The following NCKAP1 variants were observed in gnomAD, a reference collection of about 807,000 sequenced individuals.
NCKAP1 encodes nck-associated protein 1.
A neutral mutation model predicts 151.2 loss-of-function variants in NCKAP1; 21 were observed. The ratio of observed to expected loss-of-function variants is 0.14; its 90% confidence interval spans 0.10 to 0.20. The LOEUF (loss-of-function observed/expected upper bound fraction) is 0.20, where lower values mean the gene tolerates loss of function less well. NCKAP1 is among the 10% of genes least tolerant of loss of function. The pLI is 1.00. For synonymous variants in NCKAP1, 484 were observed against 451.8 expected, an observed-to-expected ratio of 1.07 and a Z score of -0.90; for missense variants, 933 against 1,352.1, an observed-to-expected ratio of 0.69 and a Z score of 4.86.
chr2:182,974,264 A>C (rs1188010188), intron 15 of NCKAP1, among the ~76,000 whole-genome samples: 3 of 151,260 alleles, frequency 2.0e-5, no homozygotes, highest in Non-Finnish European at 1.5e-5. Context: ...GTCACTAAAA[A>C]AAAAAAAAAA....
intron 29 of NCKAP1, among the ~76,000 whole-genome samples, chr2:182,927,838 T>C (rs1696679669): frequency 1.3e-5 from 2 of 151,804 alleles, no homozygotes; most frequent in Admixed American, 6.6e-5. Flanking sequence ...AGCTCTAGAG[T>C]TGGGAAAGAG....
At chr2:183,016,665 G>T (rs1698694151) in intron 2 of NCKAP1, among the ~76,000 whole-genome samples, 1 of 152,146 alleles carries the variant, frequency 6.6e-6, no homozygotes, top group East Asian at 1.9e-4. Context: ...ACTCTTATTT[G>T]TTGGCCTACT....
At chr2:182,981,199 TG>T in intron 13 of NCKAP1, 44 bp downstream of exon 13, 1 of 1,582,150 alleles carries the variant, frequency 6.3e-7, no homozygotes, top group Non-Finnish European at 8.6e-7. Context: ...CTATCAAAGG[TG>T]GGAAGGAAGG....
intron 22 of NCKAP1, 35 bp downstream of exon 22, chr2:182,952,758 C>A: frequency 6.5e-7 from 1 of 1,532,732 alleles, no homozygotes; most frequent in Non-Finnish European, 8.8e-7. Flanking sequence ...ATTAAGTGTT[C>A]TTCATTCTCT....
At position 182,918,501 on chromosome 2, in the gene NCKAP1, A is replaced by G. The variant is rs1575006060; in HGVS notation, c.*7201T>C. On this transcript the variant is annotated 3_prime_UTR_variant, in exon 31 of 31. Coordinates refer to ENST00000361354, the MANE Select transcript of NCKAP1 (RefSeq NM_013436.5). Reference sequence around the variant, plus strand: ...ATATACACACCACGGAATACTGTTCAGCCATAAAAAAAGAAACAATGTCTT... The same window carrying G: ...ATATACACACCACGGAATACTGTTCGGCCATAAAAAAAGAAACAATGTCTT... 1.3e-5 allele frequency: 2 copies of G among 152,356 alleles called. No homozygotes were observed. The highest frequency in any genetic ancestry group is 3.9e-4 in the East Asian group (2 of 5,186). The allele number at this position is 152,356 out of a possible 1,614,324, so 9.4% of individuals were successfully genotyped here.
intron 1 of NCKAP1, among the ~76,000 whole-genome samples, chr2:183,029,146 A>C (rs1442838488): frequency 6.6e-6 from 1 of 152,088 alleles, no homozygotes; most frequent in Non-Finnish European, 1.5e-5. Flanking sequence ...ACTATAGGTC[A>C]GTAGTCAATT....
In NCKAP1 at chr2:183,003,020, C is replaced by T; in HGVS notation, c.323G>A (p.Cys108Tyr). 1 of 1,607,814 alleles carries T rather than the reference C, an allele frequency of 6.2e-7. No homozygotes were observed. Among genetic ancestry groups the T allele is most frequent in the Non-Finnish European group, 8.5e-7 (1 of 1,175,828 alleles). The part of the protein sequence containing the change: ...VDVMEFKDHV[C>Y]ELLNTIDVCQ... ...AACGTCAATAGTATTCAGCAATTCACAAACATGGTCCTGAAAAGAAATACT... is the reference window on the plus strand; with the variant it reads ...AACGTCAATAGTATTCAGCAATTCATAAACATGGTCCTGAAAAGAAATACT... The change falls in exon 4 of 31, where the codon TGT becomes TAT. Residue 108 changes from cysteine to tyrosine, a missense_variant. Around this residue, in one of 2 missense-constraint regions of NCKAP1, gnomAD observed 607 missense variants for 795.0 expected, o/e 0.76. Coordinates refer to ENST00000361354, the MANE Select transcript of NCKAP1 (RefSeq NM_013436.5).
chr2:182,925,952 TA>T (rs1696635503), intron 30 of NCKAP1, 134 bp from the exon 31 acceptor site: 4 of 427,464 alleles, frequency 9.4e-6, no homozygotes. Flanking sequence ...TTATTAGCAA[TA>T]GACACATATT....
At chr2:182,988,732 T>C (rs2105861390) in intron 9 of NCKAP1, among the ~76,000 whole-genome samples, 1 of 152,308 alleles carries the variant, frequency 6.6e-6, no homozygotes, top group East Asian at 1.9e-4. Context: ...ATATGGTACT[T>C]TTGCATCTAA....
rs952332252 is a variant in NCKAP1 at position 182,914,079 on chromosome 2, A to G, written c.*11623T>C. On this transcript the variant is annotated 3_prime_UTR_variant, in exon 31 of 31. Transcript: ENST00000361354. ...AGCCAGGGAGAAGTCACATATTGGT[A>G]TCAGAGTGTGCAGTCACAGAAGGAA... The G allele has an allele frequency of 1.1e-4, 16 of 152,238 alleles. No homozygotes were observed. Among genetic ancestry groups the G allele is most frequent in the African/African-American group, 3.9e-4 (16 of 41,462 alleles). 9.4% of individuals were successfully genotyped at this position (152,238 alleles called of 1,614,324 possible).
chr2:182,993,627 G>C (rs1698211363), intron 8 of NCKAP1, among the ~76,000 whole-genome samples: 1 of 152,042 alleles, frequency 6.6e-6, no homozygotes, highest in Non-Finnish European at 1.5e-5. Flanking sequence ...GGCAGGAACA[G>C]AAAACCAAAT....
At chr2:182,998,641 T>C (rs1698318153) in intron 6 of NCKAP1, among the ~76,000 whole-genome samples, 1 of 151,292 alleles carries the variant, frequency 6.6e-6, no homozygotes, top group African/African-American at 2.4e-5. Context: ...ACAAGCCTGG[T>C]CAACATGATG....
At chr2:182,971,490 AAACT>A (rs1410277511) in intron 15 of NCKAP1, among the ~76,000 whole-genome samples, 1 of 152,112 alleles carries the variant, frequency 6.6e-6, no homozygotes, top group Non-Finnish European at 1.5e-5. Flanking sequence ...CAGATTCAAT[AAACT>A]ATCTATCTAA....
chr2:183,028,610 T>A (rs973902817), intron 1 of NCKAP1, among the ~76,000 whole-genome samples: 3 of 152,160 alleles, frequency 2.0e-5, no homozygotes, highest in Non-Finnish European at 4.4e-5. Context: ...CTCAGTTACC[T>A]AACCCATAAA....
At chr2:182,979,175 A>G (rs1274567841) in intron 13 of NCKAP1, among the ~76,000 whole-genome samples, 2 of 152,166 alleles carry the variant, frequency 1.3e-5, no homozygotes, top group East Asian at 1.9e-4. Flanking sequence ...TATATGAAAA[A>G]GTATTTTTAA....
chr2:183,006,602 A>G (rs1393455467), intron 2 of NCKAP1, among the ~76,000 whole-genome samples: 1 of 152,196 alleles, frequency 6.6e-6, no homozygotes, highest in Non-Finnish European at 1.5e-5. Context: ...GAGGTCAACT[A>G]CAACAATGAA....
chr2:182,982,335 T>C (rs1418336146), intron 12 of NCKAP1, among the ~76,000 whole-genome samples: 2 of 152,158 alleles, frequency 1.3e-5, no homozygotes, highest in African/African-American at 4.8e-5. Flanking sequence ...TTCAAAATAA[T>C]TTTGCTTCAA....
At chr2:183,033,376 T>C (rs866060553) in intron 1 of NCKAP1, among the ~76,000 whole-genome samples, 18 of 152,208 alleles carry the variant, frequency 1.2e-4, no homozygotes, top group African/African-American at 4.1e-4. Flanking sequence ...TATTCATACT[T>C]CAAAACCAAG....
At chr2:182,991,211 T>TTAAA (rs1698164758) in intron 8 of NCKAP1, among the ~76,000 whole-genome samples, 1 of 152,218 alleles carries the variant, frequency 6.6e-6, no homozygotes, top group South Asian at 2.1e-4. Context: ...GTGTTATGAG[T>TTAAA]TAAAGTATAT....
Sources: allele counts gnomAD v4.1 joint callset (sites outside exome capture counted in the v4.1 genomes callset), GRCh38; gene constraint gnomAD v4.1.1; regional missense constraint gnomAD v4.1.1; transcripts MANE v1.5; gene names NCBI Gene and HGNC (gene_info 2026-07-23, HGNC 2026-07-21).